Variants in PSME3 observed in about 807,000 individuals in gnomAD.
PSME3 encodes proteasome activator complex subunit 3.
PSME3 carries 7 observed loss-of-function variants against 38.3 expected under a neutral mutation model. The ratio of observed to expected loss-of-function variants is 0.18; its 90% CI spans 0.10 to 0.34. The LOEUF is 0.34. Among genes scored for constraint, PSME3 ranks in the 10% least tolerant of loss-of-function variants. PSME3 has a pLI of 1.00. For missense variants in PSME3, 192 were observed against 307.6 expected, an observed-to-expected ratio of 0.62 and a Z score of 2.81; for synonymous variants, 108 against 105.7, an observed-to-expected ratio of 1.02 and a Z score of -0.13.
chr17:42,839,606 G>A (rs548179909), intron 10 of PSME3, among the ~76,000 whole-genome samples: 30 of 152,300 alleles, frequency 2.0e-4, no homozygotes, highest in African/African-American at 6.7e-4. Context: ...TAAGATATAG[G>A]TGTCAGAGTC....
intron 2 of PSME3, 47 bp from the exon 3 acceptor site, chr17:42,834,468 G>GAC: frequency 6.3e-7 from 1 of 1,576,768 alleles, no homozygotes; most frequent in Non-Finnish European, 8.7e-7. Flanking sequence ...GAGAGAGAGA[G>GAC]ACCTTCCCAC....
intron 3 of PSME3, 87 bp downstream of exon 3, chr17:42,834,664 CTTTT>C (rs1051983343): frequency 3.8e-6 from 6 of 1,599,226 alleles, no homozygotes; most frequent in Non-Finnish European, 5.1e-6. Context: ...GATTCTTCTT[CTTTT>C]TATTTTTTTA....
chr17:42,839,589 A>G (rs979287290), intron 10 of PSME3, among the ~76,000 whole-genome samples: 3 of 152,180 alleles, frequency 2.0e-5, no homozygotes, highest in Admixed American at 6.5e-5. Context: ...GTGCAGTACA[A>G]TATGGTTAAG....
At chr17:42,833,919 G>C in intron 1 of PSME3, 1 of 1,444,170 alleles carries the variant, frequency 6.9e-7, no homozygotes, top group Non-Finnish European at 9.1e-7. Flanking sequence ...TGGACTCAGG[G>C]CTTTAGGCCC....
intron 9 of PSME3, 60 bp downstream of exon 9, chr17:42,839,226 A>T: frequency 6.4e-7 from 1 of 1,561,930 alleles, no homozygotes. Flanking sequence ...AGTGACTGTT[A>T]CTGGGAAGGA....
chr17:42,834,183 T>C, intron 1 of PSME3, 161 bp from the exon 2 acceptor site: 3 of 1,528,816 alleles, frequency 2.0e-6, no homozygotes, highest in South Asian at 1.2e-5. Context: ...TCTTCTGAGA[T>C]GGAAAAATGG....
chr17:42,835,750 C>T (rs1344834202), intron 4 of PSME3, among the ~76,000 whole-genome samples: 1 of 151,976 alleles, frequency 6.6e-6, no homozygotes, highest in African/African-American at 2.4e-5. Flanking sequence ...GAACTAGCTT[C>T]ATCAGGTTAC....
rs763471655 is a variant in PSME3, at chr17:42,834,592, T to A, written c.138+15T>A. The A allele has an allele frequency of 9.3e-6, 15 of 1,613,146 alleles. No homozygotes were observed. Among genetic ancestry groups the A allele is most frequent in the Non-Finnish European group, 1.2e-5 (14 of 1,179,372 alleles). Reference sequence around the variant, plus strand: ...GTTTTCTGAAGGTGAGAGACCCTATTCTTTCCTCAAATTCCCCAATTTTTT... The same window carrying A: ...GTTTTCTGAAGGTGAGAGACCCTATACTTTCCTCAAATTCCCCAATTTTTT... On this transcript the variant is annotated intron_variant, in intron 3 of 10. Coordinates refer to ENST00000590720, the MANE Select transcript of PSME3 (RefSeq NM_005789.4).
Position 42,837,633 on chromosome 17 carries a change from CT to C in PSME3, c.244-15del, listed in dbSNP as rs1459667905. 1 of 1,613,828 alleles carries C rather than the reference CT, an allele frequency of 6.2e-7. No individual in the cohort carries two copies. Among genetic ancestry groups the C allele is most frequent in the Non-Finnish European group, 8.5e-7 (1 of 1,179,874 alleles). ...GTGTCAAAACTAGGCTCATCCCTGC[CT>C]CTTTGTATCCTTAGCCCACTTATAA... On this transcript the variant is annotated splice_polypyrimidine_tract_variant and intron_variant, in intron 4 of 10. Coordinates refer to ENST00000590720, the MANE Select transcript of PSME3 (RefSeq NM_005789.4).
chr17:42,834,423 AAG>A, intron 2 of PSME3, 47 bp downstream of exon 2: 1 of 1,601,488 alleles, frequency 6.2e-7, no homozygotes, highest in Non-Finnish European at 8.5e-7. Context: ...GAATTTCCCA[AAG>A]AGGAGATACC....
Position 42,839,164 on chromosome 17 carries a change from G to A in PSME3, c.595G>A (p.Val199Met). The A allele has an allele frequency of 1.9e-6, 3 of 1,579,832 alleles. No homozygotes were observed. Among genetic ancestry groups the A allele is most frequent in the Non-Finnish European group, 2.6e-6 (3 of 1,148,772 alleles). Residue 199 changes from valine (V) to methionine (M), a missense_variant and splice_region_variant, in exon 9 of 11, where the codon GTG (valine) becomes ATG (methionine). Physicochemically the swap from Val to Met is conservative, Grantham distance 21. This residue lies in a region of PSME3 where 82 missense variants were observed against 168.2 expected (regional missense o/e 0.49). Transcript: ENST00000590720. ...TTCTAAAATAGCTAAATATCCCCAT[G>A]TGGTAAGTAAGGGGTTTGTGGCCTG... ...LVSKIAKYPH[V>M]EDYRRTVTEI...
At position 42,833,436 on chromosome 17, in the gene PSME3, C is replaced by T; in HGVS notation, c.-196C>T. On this transcript the variant is annotated 5_prime_UTR_variant, in exon 1 of 11. Coordinates refer to ENST00000590720, the MANE Select transcript of PSME3 (RefSeq NM_005789.4). ...GAGCGGCGAAAGCCGGGAGGGCGAG[C>T]GAGAGAGCAAGCAGGCAGCAGGCTG... 4.7e-6 allele frequency: 3 copies of T among 632,108 alleles called. No individual in the cohort carries two copies. The highest frequency in any genetic ancestry group is 8.2e-6 in the Non-Finnish European group (3 of 363,664). 39.2% of individuals were successfully genotyped at this position (632,108 alleles called of 1,614,324 possible).
chr17:42,837,565 G>C, intron 4 of PSME3, 84 bp from the exon 5 acceptor site: 1 of 1,293,268 alleles, frequency 7.7e-7, no homozygotes, highest in Non-Finnish European at 1.1e-6. Context: ...GGCTGAGGAA[G>C]GGATTAAACT....
rs1356554087 is a variant in PSME3, at chr17:42,834,803, A to G, written c.170A>G (p.Gln57Arg). The G allele has an allele frequency of 6.2e-7, 1 of 1,614,182 alleles. No homozygotes were observed. The highest frequency in any genetic ancestry group is 8.5e-7 in the Non-Finnish European group (1 of 1,180,024). The change falls in exon 4 of 11, where the codon CAG (glutamine) becomes CGG (arginine). Residue 57 changes from glutamine to arginine, a missense_variant. Transcript: ENST00000590720. ...ATCTTAAACATCCATGACCTAACTC[A>G]GATCCACTCTGACATGAATCTCCCA... is the stretch of plus-strand genomic sequence containing the variant. ...EPILNIHDLTQIHSDMNLPVP... is the reference protein window; with the variant it reads ...EPILNIHDLTRIHSDMNLPVP...
At chr17:42,837,628 C>T (rs1243421866) in intron 4 of PSME3, 21 bp from the exon 5 acceptor site, 6 of 1,613,586 alleles carry the variant, frequency 3.7e-6, no homozygotes, top group Non-Finnish European at 4.2e-6. Context: ...TAGGCTCATC[C>T]CTGCCTCTTT....
intron 4 of PSME3, among the ~76,000 whole-genome samples, chr17:42,836,132 G>A (rs1250580302): frequency 6.6e-6 from 1 of 150,902 alleles, no homozygotes; most frequent in African/African-American, 2.4e-5. Flanking sequence ...AGCCTCCCAC[G>A]TAGCTGAGAT....
At chr17:42,840,872 G>A (rs1021634302) in intron 10 of PSME3, among the ~76,000 whole-genome samples, 11 of 152,182 alleles carry the variant, frequency 7.2e-5, no homozygotes, top group Non-Finnish European at 4.4e-5. Context: ...AGTGGCTCAC[G>A]CCTGTAACCC....
chr17:42,837,818 A>T (rs181638928), intron 5 of PSME3, 121 bp downstream of exon 5: 5 of 1,171,682 alleles, frequency 4.3e-6, no homozygotes, highest in African/African-American at 1.5e-5. Flanking sequence ...TCCCAGAGGT[A>T]GCATTCCCAG....
rs2055495664 is a variant in PSME3 at position 42,838,847 on chromosome 17, C to G, written c.474+48C>G. The G allele has an allele frequency of 5.8e-6, 9 of 1,558,118 alleles. No homozygotes were observed. In the Middle Eastern group the frequency reaches 1.0e-3, roughly 176 times the overall value. ...TGGGAAGAGTGGCTTGGGAGATACTCTCATCTCCCCTGCGTTACCTTTTTT... is the reference window on the plus strand; with the variant it reads ...TGGGAAGAGTGGCTTGGGAGATACTGTCATCTCCCCTGCGTTACCTTTTTT... On this transcript the variant is annotated intron_variant, in intron 7 of 10. Transcript: ENST00000590720.
Sources: gnomAD v4.1 joint callset for allele counts (sites outside exome capture counted in the v4.1 genomes callset) on GRCh38, gnomAD v4.1.1 for gene constraint, gnomAD v4.1.1 regional missense constraint, MANE v1.5 for transcripts, NCBI Gene and HGNC (gene_info 2026-07-23, HGNC 2026-07-21) for gene names.